DYM: variants seen among roughly 807,000 people sequenced by gnomAD.
DYM encodes the protein dyggve-Melchior-Clausen syndrome protein.
In DYM, 78 loss-of-function variants were observed where a neutral mutation model predicts 93.1. The observed-to-expected ratio is 0.84, with a 90% CI of 0.70 to 1.01. The LOEUF is 1.01. DYM is among the 50% of genes least tolerant of loss of function. The pLI, the probability that DYM is intolerant of heterozygous loss-of-function variation, is 0.00. For missense variants in DYM, 789 were observed against 845.0 expected, an observed-to-expected ratio of 0.93 and a Z score of 0.82; for synonymous variants, 321 against 319.7, an observed-to-expected ratio of 1.00 and a Z score of -0.04.
intron 6 of DYM, chr18:49,359,713 A>T (rs1013621923): frequency 6.6e-6 from 1 of 152,258 alleles, no homozygotes; most frequent in Non-Finnish European, 1.5e-5. Context: ...AATTACCCTC[A>T]GTGGCCATTA....
chr18:49,155,308 A>G (rs1378949083), intron 15 of DYM, among the ~76,000 whole-genome samples: 1 of 152,202 alleles, frequency 6.6e-6, no homozygotes, highest in Non-Finnish European at 1.5e-5. Flanking sequence ...ATCTTTATCT[A>G]CTAGTACACA....
intron 1 of DYM, among the ~76,000 whole-genome samples, chr18:49,451,543 A>G (rs1475889317): frequency 6.6e-6 from 1 of 152,208 alleles, no homozygotes; most frequent in African/African-American, 2.4e-5. Context: ...AGGATCACCC[A>G]ACTCACAGGT....
intron 15 of DYM, among the ~76,000 whole-genome samples, chr18:49,131,461 G>T (rs767864718): frequency 1.9e-4 from 29 of 152,058 alleles, no homozygotes; most frequent in Non-Finnish European, 3.8e-4. Flanking sequence ...CTGAGCTCAG[G>T]CAATCCACTC....
chr18:49,244,313 C>A (rs150065559), intron 13 of DYM, among the ~76,000 whole-genome samples: 2 of 152,204 alleles, frequency 1.3e-5, no homozygotes, highest in African/African-American at 4.8e-5. Flanking sequence ...TGTCTGGGAC[C>A]CCCACTATTC....
At chr18:49,070,350 G>A (rs2076791981) in intron 17 of DYM, among the ~76,000 whole-genome samples, 1 of 152,202 alleles carries the variant, frequency 6.6e-6, no homozygotes, top group South Asian at 2.1e-4. Flanking sequence ...TCCTTGAGGT[G>A]AGAAACTGAT....
intron 2 of DYM, among the ~76,000 whole-genome samples, chr18:49,422,490 A>AAC (rs1487199570): frequency 4.0e-4 from 61 of 152,240 alleles, no homozygotes; most frequent in African/African-American, 1.4e-3. Flanking sequence ...TGCATCAACT[A>AAC]AAGGGCAAAA....
chr18:49,155,610 A>G (rs1026879244), intron 15 of DYM, among the ~76,000 whole-genome samples: 8 of 152,260 alleles, frequency 5.3e-5, no homozygotes, highest in Admixed American at 6.5e-5. Context: ...TATTCTGGAC[A>G]TTCCATATAC....
chr18:49,289,009 T>A (rs1470885717), intron 8 of DYM, among the ~76,000 whole-genome samples: 1 of 152,006 alleles, frequency 6.6e-6, no homozygotes, highest in African/African-American at 2.4e-5. Context: ...AAAGCTATAG[T>A]CATGTAAAAG....
At chr18:49,255,803 A>G (rs1180467459) in intron 13 of DYM, among the ~76,000 whole-genome samples, 1 of 152,182 alleles carries the variant, frequency 6.6e-6, no homozygotes, top group African/African-American at 2.4e-5. Flanking sequence ...ACAGGAAGTC[A>G]AAAAAGTACC....
chr18:49,151,685 T>G (rs2085834922), intron 15 of DYM, among the ~76,000 whole-genome samples: 1 of 152,188 alleles, frequency 6.6e-6, no homozygotes, highest in Admixed American at 6.5e-5. Flanking sequence ...AGATGACGCT[T>G]GAGGGGACTA....
At chr18:49,411,623 G>T (rs1322604107) in intron 2 of DYM, among the ~76,000 whole-genome samples, 1 of 152,136 alleles carries the variant, frequency 6.6e-6, no homozygotes, top group Non-Finnish European at 1.5e-5. Flanking sequence ...CAAAAAAATT[G>T]TTGGGGGAGA....
intron 13 of DYM, among the ~76,000 whole-genome samples, chr18:49,248,330 T>C (rs867844447): frequency 4.6e-5 from 7 of 152,206 alleles, no homozygotes; most frequent in African/African-American, 1.4e-4. Flanking sequence ...CATTCTTTTG[T>C]AGAGATGTTA....
At chr18:49,047,170 TATAA>T (rs1244400129) in intron 17 of DYM, among the ~76,000 whole-genome samples, 1 of 152,222 alleles carries the variant, frequency 6.6e-6, no homozygotes, top group Non-Finnish European at 1.5e-5. Context: ...CAGACTGTTA[TATAA>T]ATAGACGCCA....
At chr18:49,419,650 A>G (rs1033235269) in intron 2 of DYM, among the ~76,000 whole-genome samples, 1 of 152,330 alleles carries the variant, frequency 6.6e-6, no homozygotes, top group East Asian at 1.9e-4. Flanking sequence ...AAACTTATCA[A>G]GATCCCCCAA....
chr18:49,226,847 A>G (rs1306084773), intron 13 of DYM, among the ~76,000 whole-genome samples: 1 of 152,122 alleles, frequency 6.6e-6, no homozygotes, highest in Non-Finnish European at 1.5e-5. Context: ...ACTAAAGGAA[A>G]AAAAGACCTA....
intron 13 of DYM, among the ~76,000 whole-genome samples, chr18:49,217,209 G>A (rs1403058783): frequency 6.6e-6 from 1 of 152,132 alleles, no homozygotes; most frequent in Admixed American, 6.5e-5. Context: ...AGAGAAAAAA[G>A]AATAAAAAGA....
At chr18:49,428,812 A>G (rs1026652800) in intron 2 of DYM, among the ~76,000 whole-genome samples, 10 of 152,242 alleles carry the variant, frequency 6.6e-5, no homozygotes, top group South Asian at 4.1e-4. Flanking sequence ...ATTGTTACAC[A>G]ATTCTGTGAA....
chr18:49,224,408 C>G (rs1315349463), intron 13 of DYM, among the ~76,000 whole-genome samples: 1 of 151,972 alleles, frequency 6.6e-6, no homozygotes, highest in Non-Finnish European at 1.5e-5. Context: ...GGAGTGGCTA[C>G]AATCACCTAG....
intron 17 of DYM, among the ~76,000 whole-genome samples, chr18:49,085,892 A>G (rs1288621441): frequency 6.6e-6 from 1 of 152,186 alleles, no homozygotes; most frequent in Admixed American, 6.5e-5. Context: ...GGCATGAGCC[A>G]CTGCTCCTGG....
Sources: allele counts gnomAD v4.1 joint callset (sites outside exome capture counted in the v4.1 genomes callset), GRCh38; gene constraint gnomAD v4.1.1; transcripts MANE v1.5; gene names NCBI Gene and HGNC (gene_info 2026-07-23, HGNC 2026-07-21).